CAPN5: variants seen among roughly 807,000 people sequenced by gnomAD.
CAPN5 encodes calpain-5.
A neutral mutation model predicts 73.0 loss-of-function variants in CAPN5; 54 were observed. The ratio of observed to expected loss-of-function variants is 0.74; its 90% CI spans 0.59 to 0.93. The LOEUF is 0.93. Among genes scored for constraint, CAPN5 ranks in the 40% least tolerant of loss-of-function variants. CAPN5 has a pLI of 0.00. For synonymous variants in CAPN5, 335 were observed against 356.9 expected, an observed-to-expected ratio of 0.94 and a Z score of 0.69; for missense variants, 785 against 882.9, an observed-to-expected ratio of 0.89 and a Z score of 1.41.
chr11:77,098,204 G>A (rs1205235719), intron 3 of CAPN5, among the ~76,000 whole-genome samples: 2 of 73,862 alleles, frequency 2.7e-5, no homozygotes, highest in Admixed American at 1.1e-4. Flanking sequence ...CCTCCCGGAC[G>A]GGGCGGCTGG....
At chr11:77,094,756 C>T (rs116515427) in intron 3 of CAPN5, among the ~76,000 whole-genome samples, 1,694 of 152,258 alleles carry the variant, frequency 0.011, 32 homozygotes, top group African/African-American at 0.039. Flanking sequence ...AGCTGTCTCT[C>T]GGGGAGTGGT....
intron 5 of CAPN5, 110 bp downstream of exon 5, chr11:77,114,544 C>A (rs930940575): frequency 1.0e-5 from 10 of 993,372 alleles, no homozygotes; most frequent in South Asian, 7.1e-5. Flanking sequence ...GTATTCAGAC[C>A]CTCAGCCTCG....
At chr11:77,110,079 C>T (rs921861237) in intron 3 of CAPN5, among the ~76,000 whole-genome samples, 15 of 151,598 alleles carry the variant, frequency 9.9e-5, no homozygotes, top group African/African-American at 3.6e-4. Context: ...CCCATTTGTG[C>T]AGTGGGAATG....
chr11:77,123,785 G>A lies in CAPN5; in HGVS notation c.1838G>A (p.Arg613Gln), dbSNP rs199509115. 1.7e-5 allele frequency: 27 copies of A among 1,613,876 alleles called. No individual in the cohort carries two copies. Among genetic ancestry groups the A allele is most frequent in the South Asian group, 1.5e-4 (14 of 91,058 alleles). ...NLQALHTLHL[R>Q]DRNSRQPSNL... ...CAGGCCCTGCATACCCTCCACCTCCGGGACCGAAATAGCCGGCAGCCCAGC... is the reference window on the plus strand; with the variant it reads ...CAGGCCCTGCATACCCTCCACCTCCAGGACCGAAATAGCCGGCAGCCCAGC... The change falls in exon 13 of 13, where the codon CGG (arginine) becomes CAG (glutamine). Residue 613 changes from arginine to glutamine, a missense_variant. By Grantham distance (43) the Arg-to-Gln change is conservative (BLOSUM62 1). Coordinates refer to ENST00000648180, the MANE Select transcript of CAPN5 (RefSeq NM_004055.5).
chr11:77,105,167 T>C (rs1555039672), intron 3 of CAPN5, among the ~76,000 whole-genome samples: 1 of 151,598 alleles, frequency 6.6e-6, no homozygotes, highest in African/African-American at 2.4e-5. Context: ...GTCCCTCTGC[T>C]GTGCCCGCTG....
intron 8 of CAPN5, among the ~76,000 whole-genome samples, 157 bp downstream of exon 8, chr11:77,118,509 G>A (rs782195270): frequency 3.9e-5 from 6 of 152,208 alleles, no homozygotes; most frequent in South Asian, 2.1e-4. Context: ...GGGCACATCC[G>A]TCCCATCTGG....
intron 1 of CAPN5, among the ~76,000 whole-genome samples, chr11:77,076,144 T>C (rs1591110167): frequency 2.1e-5 from 3 of 144,920 alleles, no homozygotes; most frequent in Admixed American, 2.0e-4. Context: ...GGCAGATCAC[T>C]GGAGATCAGG....
rs541970978 is a variant in CAPN5 at position 77,085,254 on chromosome 11, T to C, written c.165+203T>C. 3.0e-3 allele frequency among the ~76,000 whole-genome samples: 456 copies of C among 152,334 alleles called. 1 individual carries two copies. Among genetic ancestry groups the C allele is most frequent in the Non-Finnish European group, 4.8e-3 (328 of 68,034 alleles). ...AATCCTGTGGCCACCACTGGATTGG[T>C]TGAGGCCCAGCCAGGCCTTCACCCT... On this transcript the variant is annotated intron_variant, in intron 2 of 12. Coordinates refer to ENST00000648180, the MANE Select transcript of CAPN5 (RefSeq NM_004055.5).
chr11:77,108,289 A>C (rs558359153), intron 3 of CAPN5, among the ~76,000 whole-genome samples: 2 of 152,292 alleles, frequency 1.3e-5, no homozygotes, highest in East Asian at 3.9e-4. Context: ...AAAGAGAGCC[A>C]TGCTGGGGTG....
intron 3 of CAPN5, among the ~76,000 whole-genome samples, chr11:77,096,138 AG>A (rs1950206418): frequency 6.6e-6 from 1 of 152,048 alleles, no homozygotes; most frequent in African/African-American, 2.4e-5. Context: ...TCTCCATGGA[AG>A]GGCAGTGGGG....
At position 77,082,144 on chromosome 11, in the gene CAPN5, A is replaced by G. The variant is rs1396228242; in HGVS notation, c.-35-2708A>G. On this transcript the variant is annotated intron_variant, in intron 1 of 12. Coordinates refer to ENST00000648180, the MANE Select transcript of CAPN5 (RefSeq NM_004055.5). ...CCAGGGGCACCAGGATGGCAGAGGAACAGTGTGTGCAGAGGCCCTGAGGGA... is the reference window on the plus strand; with the variant it reads ...CCAGGGGCACCAGGATGGCAGAGGAGCAGTGTGTGCAGAGGCCCTGAGGGA... Among the ~76,000 whole-genome samples, 5 of 151,988 alleles carry G rather than the reference A, an allele frequency of 3.3e-5. No individual in the cohort carries two copies. The East Asian group carries it at 5.9e-4, about 18-fold the overall frequency.
At chr11:77,069,461 C>T (rs1224116477) in intron 1 of CAPN5, among the ~76,000 whole-genome samples, 1 of 152,112 alleles carries the variant, frequency 6.6e-6, no homozygotes, top group Non-Finnish European at 1.5e-5. Context: ...AGGGGACTTA[C>T]GGGAGTGATC....
At chr11:77,112,835 G>C in intron 4 of CAPN5, 38 bp downstream of exon 4, 2 of 1,586,316 alleles carry the variant, frequency 1.3e-6, no homozygotes, top group Admixed American at 3.4e-5. Context: ...GGGAGGCCCA[G>C]ACGGGGGTGG....
At chr11:77,079,039 C>T (rs1024105198) in intron 1 of CAPN5, among the ~76,000 whole-genome samples, 12 of 151,980 alleles carry the variant, frequency 7.9e-5, no homozygotes, top group Admixed American at 6.6e-4. Context: ...CTGTTAGTAT[C>T]GTGTATCACA....
At chr11:77,078,500 TCC>T (rs1949996492) in intron 1 of CAPN5, among the ~76,000 whole-genome samples, 2 of 152,214 alleles carry the variant, frequency 1.3e-5, no homozygotes, top group Non-Finnish European at 2.9e-5. Context: ...GGTAGTGTGA[TCC>T]CTCCAGCTTT....
intron 6 of CAPN5, 114 bp from the exon 7 acceptor site, chr11:77,116,112 G>T (rs371996245): frequency 4.3e-6 from 4 of 926,160 alleles, no homozygotes; most frequent in Non-Finnish European, 6.8e-6. Context: ...ACACCGTGCC[G>T]CTGGAGGCCT....
chr11:77,068,307 G>A (rs1282463861), intron 1 of CAPN5, among the ~76,000 whole-genome samples: 4 of 152,132 alleles, frequency 2.6e-5, no homozygotes, highest in South Asian at 2.1e-4. Flanking sequence ...GTGCTCAGGC[G>A]GGGTCTTTGC....
chr11:77,124,069 G>C lies in CAPN5; in HGVS notation c.*199G>C. 1 of 588,976 alleles carries C rather than the reference G, an allele frequency of 1.7e-6. No homozygotes were observed. The highest frequency in any genetic ancestry group is 2.8e-5 in the East Asian group (1 of 35,252). 36.5% of individuals were successfully genotyped at this position (588,976 alleles called of 1,614,324 possible). On this transcript the variant is annotated 3_prime_UTR_variant, in exon 13 of 13. Coordinates refer to ENST00000648180, the MANE Select transcript of CAPN5 (RefSeq NM_004055.5). ...CCCGAAGCATTCCATTCTCGTGGAGGAGTTTCCTTGCTGAGATTTCAAATA... is the reference window on the plus strand; with the variant it reads ...CCCGAAGCATTCCATTCTCGTGGAGCAGTTTCCTTGCTGAGATTTCAAATA...
At chr11:77,083,520 C>T (rs1473286906) in intron 1 of CAPN5, among the ~76,000 whole-genome samples, 2 of 152,210 alleles carry the variant, frequency 1.3e-5, no homozygotes, top group African/African-American at 4.8e-5. Context: ...GGTCACCTCA[C>T]CTCACTGAGC....
Sources: allele counts gnomAD v4.1 joint callset (sites outside exome capture counted in the v4.1 genomes callset), GRCh38; gene constraint gnomAD v4.1.1; transcripts MANE v1.5; gene names NCBI Gene and HGNC (gene_info 2026-07-23, HGNC 2026-07-21).